Variants in ASCC3 observed in about 807,000 individuals in gnomAD.
ASCC3 encodes the protein activating signal cointegrator 1 complex subunit 3.
ASCC3 carries 158 observed loss-of-function variants against 256.3 expected under a neutral mutation model. The ratio of observed to expected loss-of-function variants is 0.62; its 90% CI spans 0.54 to 0.70. ASCC3 has a LOEUF of 0.70. Ranked by LOEUF, ASCC3 falls within the 30% of genes least tolerant of loss-of-function variation. The probability of loss-of-function intolerance (pLI) is 0.00; values close to 1 mark genes in which losing one functional copy is unlikely to be tolerated. For missense variants in ASCC3, 2,259 were observed against 2,626.0 expected (o/e 0.86, Z 3.05); for synonymous variants, 948 against 883.4 (o/e 1.07, Z -1.30).
At chr6:100,850,226 C>A (rs1454719682) in intron 3 of ASCC3, among the ~76,000 whole-genome samples, 1 of 151,838 alleles carries the variant, frequency 6.6e-6, no homozygotes, top group African/African-American at 2.4e-5. Flanking sequence ...ATTTTATTTT[C>A]CAGTCTTATT....
intron 20 of ASCC3, among the ~76,000 whole-genome samples, chr6:100,647,677 G>A (rs1484860284): frequency 3.3e-5 from 5 of 152,050 alleles, no homozygotes; most frequent in African/African-American, 1.2e-4. Context: ...CAGAGGGGAA[G>A]CCTTATTTCC....
chr6:100,743,814 G>C (rs11155631), intron 10 of ASCC3, among the ~76,000 whole-genome samples: 4 of 151,980 alleles, frequency 2.6e-5, no homozygotes, highest in Admixed American at 2.0e-4. Flanking sequence ...AAGATGAAAA[G>C]ATAACAGTAC....
chr6:100,864,244 A>G lies in ASCC3; in HGVS notation c.91-30T>C, dbSNP rs373969065. 1.9e-6 allele frequency: 3 copies of G among 1,553,208 alleles called. No individual in the cohort carries two copies. The African/African-American group carries it at 4.1e-5, about 21-fold the overall frequency. ...AACAGAGATTATAATGTAGAAAAGT[A>G]CTGCTTAAAGTTCTTCTCAACTCCA... On this transcript the variant is annotated intron_variant, in intron 2 of 41. Coordinates refer to ENST00000369162, the MANE Select transcript of ASCC3 (RefSeq NM_006828.4).
intron 1 of ASCC3, among the ~76,000 whole-genome samples, chr6:100,877,785 G>A (rs905404950): frequency 1.3e-5 from 2 of 152,158 alleles, no homozygotes; most frequent in Admixed American, 6.5e-5. Context: ...TGGGGGATGG[G>A]CAACAAGAAT....
At chr6:100,715,265 G>A (rs1269919183) in intron 13 of ASCC3, 197 bp downstream of exon 13, 6 of 546,294 alleles carry the variant, frequency 1.1e-5, no homozygotes, top group African/African-American at 1.9e-5. Flanking sequence ...TATCAATACT[G>A]GGATGATAAT....
intron 37 of ASCC3, among the ~76,000 whole-genome samples, chr6:100,525,290 G>C (rs1774525846): frequency 6.6e-6 from 1 of 151,386 alleles, no homozygotes; most frequent in African/African-American, 2.4e-5. Flanking sequence ...ATTGTCATCA[G>C]AGTTTAAAAG....
chr6:100,655,911 A>C, intron 16 of ASCC3, 93 bp from the exon 17 acceptor site: 8 of 1,394,280 alleles, frequency 5.7e-6, no homozygotes, highest in Non-Finnish European at 8.0e-6. Flanking sequence ...AGTTTTAAAA[A>C]TACATCATTA....
At chr6:100,808,243 T>G (rs1176635341) in intron 4 of ASCC3, among the ~76,000 whole-genome samples, 13 of 151,758 alleles carry the variant, frequency 8.6e-5, no homozygotes, top group Admixed American at 8.6e-4. Flanking sequence ...AATCAATTAT[T>G]TTCCAAAAGA....
At chr6:100,598,323 A>G (rs1772420483) in intron 34 of ASCC3, among the ~76,000 whole-genome samples, 1 of 152,184 alleles carries the variant, frequency 6.6e-6, no homozygotes, top group Admixed American at 6.5e-5. Context: ...TTCAGTCCCC[A>G]AATTTCCTAC....
At chr6:100,627,064 T>C (rs1217038835) in intron 29 of ASCC3, among the ~76,000 whole-genome samples, 2 of 152,156 alleles carry the variant, frequency 1.3e-5, no homozygotes, top group Non-Finnish European at 2.9e-5. Context: ...GAATTTATTT[T>C]TGAGGTTATT....
At chr6:100,653,496 G>A (rs1234829883) in intron 17 of ASCC3, among the ~76,000 whole-genome samples, 1 of 151,822 alleles carries the variant, frequency 6.6e-6, no homozygotes, top group East Asian at 2.0e-4. Context: ...AAATTAGCTG[G>A]GTATGGTGGT....
At chr6:100,663,230 G>C (rs1776311008) in intron 14 of ASCC3, among the ~76,000 whole-genome samples, 1 of 152,064 alleles carries the variant, frequency 6.6e-6, no homozygotes, top group African/African-American at 2.4e-5. Context: ...ATTGAGTATA[G>C]AGGAGTCCTT....
chr6:100,601,438 A>G (rs935457444), intron 34 of ASCC3, among the ~76,000 whole-genome samples: 1 of 151,962 alleles, frequency 6.6e-6, no homozygotes, highest in Non-Finnish European at 1.5e-5. Context: ...TAAATGCCCC[A>G]CAAATTTTTT....
intron 36 of ASCC3, among the ~76,000 whole-genome samples, chr6:100,585,842 C>G (rs1771631201): frequency 6.6e-6 from 1 of 152,162 alleles, no homozygotes; most frequent in Admixed American, 6.5e-5. Flanking sequence ...TGCTAGAGGT[C>G]CACTCCAGAC....
chr6:100,780,843 C>T (rs1782409184), intron 8 of ASCC3, among the ~76,000 whole-genome samples: 1 of 152,184 alleles, frequency 6.6e-6, no homozygotes, highest in Non-Finnish European at 1.5e-5. Flanking sequence ...GTTGAAATGT[C>T]AACCACATAT....
chr6:100,535,916 C>G (rs1775137456), intron 37 of ASCC3, among the ~76,000 whole-genome samples: 1 of 152,068 alleles, frequency 6.6e-6, no homozygotes, highest in Non-Finnish European at 1.5e-5. Context: ...AGATAACTCA[C>G]TAAATAAATT....
chr6:100,547,979 T>C (rs2114678500), intron 36 of ASCC3, among the ~76,000 whole-genome samples: 1 of 151,670 alleles, frequency 6.6e-6, no homozygotes, highest in Middle Eastern at 3.4e-3. Flanking sequence ...AATTAATGAT[T>C]GATGTTTGCC....
chr6:100,854,108 C>T (rs1016652519), intron 3 of ASCC3, among the ~76,000 whole-genome samples: 3 of 150,540 alleles, frequency 2.0e-5, no homozygotes, highest in African/African-American at 7.3e-5. Flanking sequence ...AACTCAGATA[C>T]AAACAGATTA....
At chr6:100,632,162 T>C (rs1453015387) in intron 25 of ASCC3, among the ~76,000 whole-genome samples, 1 of 125,140 alleles carries the variant, frequency 8.0e-6, no homozygotes, top group Non-Finnish European at 1.6e-5. Context: ...CAGTAGAATA[T>C]ATACTGTTAG....
Sources: gnomAD v4.1 joint callset for allele counts (sites outside exome capture counted in the v4.1 genomes callset) on GRCh38, gnomAD v4.1.1 for gene constraint, MANE v1.5 for transcripts, NCBI Gene and HGNC (gene_info 2026-07-23, HGNC 2026-07-21) for gene names.